The following TBC1D8B variants were observed in gnomAD, a reference collection of about 807,000 sequenced individuals.
TBC1D8B encodes RP11-321G1.1.
Under a neutral mutation model 82.9 loss-of-function variants are expected in TBC1D8B, and 75 were observed. That is an observed-to-expected ratio of 0.90 (90% CI 0.75 to 1.10). The LOEUF (loss-of-function observed/expected upper bound fraction) is 1.10. Among genes scored for constraint, TBC1D8B ranks in the 50% least tolerant of loss-of-function variants. The probability of loss-of-function intolerance (pLI) is 0.00; values close to 1 mark genes in which losing one functional copy is unlikely to be tolerated. For missense variants in TBC1D8B, 794 were observed against 796.9 expected, an observed-to-expected ratio of 1.00 and a Z score of 0.04; for synonymous variants, 276 against 276.8, an observed-to-expected ratio of 1.00 and a Z score of 0.03.
intron 14 of TBC1D8B, among the ~76,000 whole-genome samples, chrX:106,858,507 T>G (rs1158629448): frequency 8.9e-6 from 1 of 111,928 alleles, no homozygotes; most frequent in Non-Finnish European, 1.9e-5. Context: ...CTCCTGACCT[T>G]GTGATCCACC....
intron 1 of TBC1D8B, among the ~76,000 whole-genome samples, chrX:106,810,719 A>C (rs1196523469): frequency 1.8e-5 from 2 of 112,287 alleles, no homozygotes; most frequent in Admixed American, 9.4e-5. Context: ...ATTTTGGCTT[A>C]TTAAAAGGAA....
intron 7 of TBC1D8B, among the ~76,000 whole-genome samples, chrX:106,835,263 CTTG>C (rs892434954): frequency 4.4e-5 from 5 of 112,855 alleles, no homozygotes; most frequent in African/African-American, 1.6e-4. Context: ...GCCACTAAGG[CTTG>C]GGGCTTGCAC....
intron 1 of TBC1D8B, among the ~76,000 whole-genome samples, chrX:106,812,407 T>G (rs1196062411): frequency 2.7e-5 from 3 of 112,234 alleles, no homozygotes; most frequent in Non-Finnish European, 3.8e-5. Flanking sequence ...ACTGTAAGTT[T>G]CCAGTAATCA....
chrX:106,844,588 GA>G (rs1309733427), intron 10 of TBC1D8B, among the ~76,000 whole-genome samples: 2 of 107,165 alleles, frequency 1.9e-5, no homozygotes, highest in Non-Finnish European at 3.8e-5. Flanking sequence ...TGCTTTCCCA[GA>G]ATAAATCCCA....
At chrX:106,832,198 C>G (rs1049483632) in intron 7 of TBC1D8B, among the ~76,000 whole-genome samples, 3 of 111,285 alleles carry the variant, frequency 2.7e-5, no homozygotes, top group African/African-American at 9.8e-5. Flanking sequence ...TTTAGGAAAT[C>G]TTTCCTGTGA....
At chrX:106,844,963 T>A (rs1376132904) in intron 10 of TBC1D8B, among the ~76,000 whole-genome samples, 1 of 111,482 alleles carries the variant, frequency 9.0e-6, no homozygotes, top group African/African-American at 3.3e-5. Flanking sequence ...TTGTGGTTTT[T>A]TTTAGAAACT....
In TBC1D8B at chrX:106,857,262, C is replaced by T. The variant is rs756074955; in HGVS notation, c.2352+2966C>T. Reference sequence around the variant, plus strand: ...CCACCTCCTGGGTTCAAGCAATTCTCCTGCCTCAGCCTCCCGAGTAGCTGG... The same window carrying T: ...CCACCTCCTGGGTTCAAGCAATTCTTCTGCCTCAGCCTCCCGAGTAGCTGG... On this transcript the variant is annotated intron_variant, in intron 14 of 20. Transcript: ENST00000357242. Among the ~76,000 whole-genome samples the T allele has an allele frequency of 3.1e-3, 342 of 110,973 alleles. 2 individuals are homozygous for T. The highest frequency in any genetic ancestry group is 0.01 in the African/African-American group (317 of 30,545).
At chrX:106,860,326 G>A (rs1932761285) in intron 14 of TBC1D8B, among the ~76,000 whole-genome samples, 1 of 96,071 alleles carries the variant, frequency 1.0e-5, no homozygotes, top group East Asian at 3.4e-4. Flanking sequence ...TCTGGTACTG[G>A]GCTTTTTATG....
At chrX:106,804,276 C>A (rs1045961089) in intron 1 of TBC1D8B, among the ~76,000 whole-genome samples, 3 of 110,932 alleles carry the variant, frequency 2.7e-5, no homozygotes, top group Non-Finnish European at 5.7e-5. Context: ...TGGTGATAAA[C>A]GTATGCTGTT....
In TBC1D8B at chrX:106,817,375, C is replaced by T. The variant is rs1417607353; in HGVS notation, c.131-1288C>T. Among the ~76,000 whole-genome samples the T allele has an allele frequency of 5.4e-5, 6 of 111,076 alleles. No homozygotes were observed. In the Admixed American group the frequency reaches 5.8e-4, roughly 11 times the overall value. On this transcript the variant is annotated intron_variant, in intron 1 of 20. Transcript: ENST00000357242. ...AGGTTGTGTAGTACAGGTTAAACAT[C>T]ACTAATCTAAAAATGAAAAATCTGA...
At chrX:106,872,087 A>G (rs917405578) in intron 20 of TBC1D8B, among the ~76,000 whole-genome samples, 2 of 110,112 alleles carry the variant, frequency 1.8e-5, no homozygotes, top group African/African-American at 3.3e-5. Flanking sequence ...CCCTAAGGGT[A>G]TGAGGTAAGA....
At chrX:106,856,431 A>G (rs1030841652) in intron 14 of TBC1D8B, among the ~76,000 whole-genome samples, 15 of 111,009 alleles carry the variant, frequency 1.4e-4, no homozygotes, top group Non-Finnish European at 3.8e-5. Context: ...TATATAAATT[A>G]TAAAAATATT....
chrX:106,805,577 T>C (rs1931163366), intron 1 of TBC1D8B, among the ~76,000 whole-genome samples: 1 of 112,301 alleles, frequency 8.9e-6, no homozygotes, highest in Non-Finnish European at 1.9e-5. Flanking sequence ...TTTATAACTC[T>C]TCATGATTAT....
Position 106,823,219 on chromosome X carries a change from T to C in TBC1D8B, c.587-7T>C. On this transcript the variant is annotated splice_region_variant and splice_polypyrimidine_tract_variant and intron_variant, in intron 4 of 20. Coordinates refer to ENST00000357242, the MANE Select transcript of TBC1D8B (RefSeq NM_017752.3). ...TAATCATACCTGCTTATACCTCTTA[T>C]TTGCAGTAAAACTCATTATCTCCTG... 1.7e-6 allele frequency: 2 copies of C among 1,202,451 alleles called. No individual in the cohort carries two copies. The highest frequency in any genetic ancestry group is 1.1e-6 in the Non-Finnish European group (1 of 889,265).
Position 106,849,468 on chromosome X carries a change from C to A in TBC1D8B, c.1838-557C>A, listed in dbSNP as rs772546801. ...GGATATAAGTGGATGCCTTATTGGG[C>A]AAAGCAGAGGGTAACCAATTAGAAG... is the stretch of plus-strand genomic sequence containing the variant. On this transcript the variant is annotated intron_variant, in intron 11 of 20. Coordinates refer to ENST00000357242, the MANE Select transcript of TBC1D8B (RefSeq NM_017752.3). 2.0e-5 allele frequency: 21 copies of A among 1,029,871 alleles called. No individual in the cohort carries two copies. The African/African-American group carries it at 3.8e-4, about 19-fold the overall frequency. 84.9% of individuals were successfully genotyped at this position (1,029,871 alleles called of 1,213,427 possible).
chrX:106,834,670 G>A (rs188136260), intron 7 of TBC1D8B, among the ~76,000 whole-genome samples: 1 of 112,152 alleles, frequency 8.9e-6, no homozygotes, highest in Non-Finnish European at 1.9e-5. Context: ...GACAATGGGG[G>A]TACAGGCATT....
At chrX:106,863,093 T>C (rs766937635) in intron 14 of TBC1D8B, among the ~76,000 whole-genome samples, 1 of 112,013 alleles carries the variant, frequency 8.9e-6, no homozygotes, top group Non-Finnish European at 1.9e-5. Flanking sequence ...TGCTTGCTCG[T>C]GCATGCCAGC....
rs1449568944 is a variant in TBC1D8B at position 106,875,531 on chromosome X, G to T, written c.*1566G>T. The T allele has an allele frequency of 2.7e-5, 3 of 112,197 alleles. No individual in the cohort carries two copies. In the Admixed American group the frequency reaches 2.8e-4, roughly 11 times the overall value. 9.2% of individuals were successfully genotyped at this position (112,197 alleles called of 1,213,427 possible). On this transcript the variant is annotated 3_prime_UTR_variant, in exon 21 of 21. Coordinates refer to ENST00000357242, the MANE Select transcript of TBC1D8B (RefSeq NM_017752.3). ...ATTTAATCAACCTTGTCTTTTCAAGGAAATTACCACTTAAAGAGATAGTTG... is the reference window on the plus strand; with the variant it reads ...ATTTAATCAACCTTGTCTTTTCAAGTAAATTACCACTTAAAGAGATAGTTG...
Position 106,850,061 on chromosome X carries a change from T to C in TBC1D8B, c.1874T>C (p.Ile625Thr). 6 of 1,209,252 alleles carry C rather than the reference T, an allele frequency of 5.0e-6. No individual in the cohort carries two copies. The highest frequency in any genetic ancestry group is 6.7e-6 in the Non-Finnish European group (6 of 894,402). ...GATCAGGCAGTCTTTGAAGAACTTATCAGGGATCACCTTCCTCAGCTGACA... is the reference window on the plus strand; with the variant it reads ...GATCAGGCAGTCTTTGAAGAACTTACCAGGGATCACCTTCCTCAGCTGACA... ...LVDQAVFEEL[I>T]RDHLPQLTEH... Residue 625 changes from isoleucine to threonine, a missense_variant, in exon 12 of 21, where the codon ATC (isoleucine) becomes ACC (threonine). Physicochemically the swap from Ile to Thr is moderately conservative, Grantham distance 89 (BLOSUM62 -1). Coordinates refer to ENST00000357242, the MANE Select transcript of TBC1D8B (RefSeq NM_017752.3).
Sources: gnomAD v4.1 joint callset for allele counts (sites outside exome capture counted in the v4.1 genomes callset) on GRCh38, gnomAD v4.1.1 for gene constraint, MANE v1.5 for transcripts, NCBI Gene and HGNC (gene_info 2026-07-23, HGNC 2026-07-21) for gene names.